The following ADAM12 variants were observed in gnomAD, a reference collection of about 807,000 sequenced individuals.
ADAM12 encodes disintegrin and metalloproteinase domain-containing protein 12.
ADAM12 carries 70 observed loss-of-function variants against 106.4 expected under a neutral mutation model. The observed-to-expected ratio is 0.66, with a 90% CI of 0.54 to 0.80. ADAM12 has a LOEUF of 0.80. ADAM12 is among the 30% of genes least tolerant of loss of function. The pLI is 0.00. For synonymous variants in ADAM12, 420 were observed against 433.5 expected (o/e 0.97, Z 0.39); for missense variants, 1,010 against 1,171.9 (o/e 0.86, Z 2.02).
At chr10:126,117,620 G>C (rs1158642304) in intron 6 of ADAM12, among the ~76,000 whole-genome samples, 1 of 152,034 alleles carries the variant, frequency 6.6e-6, no homozygotes, top group Admixed American at 6.6e-5. Flanking sequence ...TTCACCTCCA[G>C]TAGATGGAGA....
chr10:126,055,632 T>C lies in ADAM12; in HGVS notation c.1610-5963A>G, dbSNP rs185867114. 1.0e-3 allele frequency among the ~76,000 whole-genome samples: 155 copies of C among 152,302 alleles called. 1 individual carries two copies. The highest frequency in any genetic ancestry group is 4.6e-4 in the Non-Finnish European group (31 of 68,028). ...CTCATGGGTTTAAAGCCAAAACCCA[T>C]GATCCAGCCATGATCCTGTGCTGCC... On this transcript the variant is annotated intron_variant, in intron 14 of 22. Transcript: ENST00000448723.
intron 3 of ADAM12, among the ~76,000 whole-genome samples, chr10:126,167,399 C>T (rs1957042705): frequency 6.6e-6 from 1 of 152,178 alleles, no homozygotes; most frequent in Non-Finnish European, 1.5e-5. Flanking sequence ...GACAACTATA[C>T]TTAATGTAGC....
At chr10:126,268,969 T>C (rs1959154291) in intron 3 of ADAM12, among the ~76,000 whole-genome samples, 1 of 152,116 alleles carries the variant, frequency 6.6e-6, no homozygotes, top group African/African-American at 2.4e-5. Flanking sequence ...AGTAAAGGAA[T>C]AAGAATGGCT....
chr10:126,081,625 G>A (rs765622336), intron 11 of ADAM12, among the ~76,000 whole-genome samples: 1 of 152,184 alleles, frequency 6.6e-6, no homozygotes, highest in Non-Finnish European at 1.5e-5. Flanking sequence ...GCCTATGTCT[G>A]AGCAGCCTAT....
At chr10:126,288,328 G>T (rs557321766) in intron 2 of ADAM12, among the ~76,000 whole-genome samples, 2 of 152,176 alleles carry the variant, frequency 1.3e-5, no homozygotes, top group Non-Finnish European at 2.9e-5. Flanking sequence ...CTATACAAAT[G>T]ACCAATGAAT....
In ADAM12 at chr10:126,049,709, T is replaced by A. The variant is rs1954425609; in HGVS notation, c.1610-40A>T. ...GAACTGCATTTTCATCTCCTGCAGG[T>A]GATTTTTTTTTTTTCATGGCTGTAG... On this transcript the variant is annotated intron_variant, in intron 14 of 22. Coordinates refer to ENST00000448723, the MANE Select transcript of ADAM12 (RefSeq NM_001288973.2). This position sits in a 1 kb window ranked among gnomAD's most constrained non-coding sequence, Gnocchi z 4.4. The A allele has an allele frequency of 5.1e-6, 8 of 1,561,376 alleles. No homozygotes were observed. Among genetic ancestry groups the A allele is most frequent in the Non-Finnish European group, 6.9e-6 (8 of 1,151,684 alleles).
At chr10:126,072,329 T>C (rs1955014269) in intron 11 of ADAM12, among the ~76,000 whole-genome samples, 1 of 152,168 alleles carries the variant, frequency 6.6e-6, no homozygotes, top group South Asian at 2.1e-4. Flanking sequence ...AGCAAAGTTA[T>C]GCTCCCCTTC....
chr10:126,387,654 A>G (rs1856714127), intron 1 of ADAM12, among the ~76,000 whole-genome samples: 2 of 152,088 alleles, frequency 1.3e-5, no homozygotes, highest in Admixed American at 6.5e-5. Context: ...AACCTGGTGA[A>G]GGGCTGGCCC....
At chr10:126,025,966 A>T (rs1035165883) in intron 21 of ADAM12, among the ~76,000 whole-genome samples, 1 of 152,214 alleles carries the variant, frequency 6.6e-6, no homozygotes, top group African/African-American at 2.4e-5. Context: ...CTCCCAGTGG[A>T]AACCCAATAA....
At chr10:126,153,506 T>A (rs752203191) in intron 4 of ADAM12, among the ~76,000 whole-genome samples, 1 of 152,226 alleles carries the variant, frequency 6.6e-6, no homozygotes, top group Non-Finnish European at 1.5e-5. Flanking sequence ...TGTGTGTTTT[T>A]AAATTTTATG....
intron 2 of ADAM12, among the ~76,000 whole-genome samples, chr10:126,284,175 A>G (rs1444288533): frequency 1.3e-5 from 2 of 151,962 alleles, no homozygotes; most frequent in African/African-American, 2.4e-5. Flanking sequence ...TCTACTAAAA[A>G]TACAAAAATT....
chr10:126,088,994 T>G (rs999788559), intron 11 of ADAM12, among the ~76,000 whole-genome samples: 1 of 152,110 alleles, frequency 6.6e-6, no homozygotes, highest in African/African-American at 2.4e-5. Context: ...GGGGTAACCC[T>G]CATTTGCTTA....
intron 1 of ADAM12, among the ~76,000 whole-genome samples, chr10:126,372,667 G>A (rs1167709081): frequency 6.6e-6 from 1 of 152,212 alleles, no homozygotes; most frequent in Non-Finnish European, 1.5e-5. Context: ...AGAAGCAGAT[G>A]CTTCTACTAG....
chr10:126,018,691 C>T (rs1179575947), intron 22 of ADAM12, among the ~76,000 whole-genome samples: 2 of 152,260 alleles, frequency 1.3e-5, no homozygotes, highest in East Asian at 3.9e-4. Flanking sequence ...TCTCACCAAC[C>T]AGGGTAAGCT....
intron 1 of ADAM12, among the ~76,000 whole-genome samples, chr10:126,382,204 C>A (rs1222848972): frequency 1.3e-5 from 2 of 151,970 alleles, no homozygotes; most frequent in African/African-American, 4.8e-5. Context: ...GGGCCAAGGC[C>A]AATACAGGCT....
chr10:126,091,795 C>G (rs1037904121), intron 11 of ADAM12, among the ~76,000 whole-genome samples: 4 of 152,112 alleles, frequency 2.6e-5, no homozygotes, highest in Non-Finnish European at 5.9e-5. Context: ...ATTGTGCCTT[C>G]AGAATTATAT....
intron 3 of ADAM12, among the ~76,000 whole-genome samples, chr10:126,252,911 C>A (rs1958814940): frequency 6.6e-6 from 1 of 152,138 alleles, no homozygotes; most frequent in African/African-American, 2.4e-5. Flanking sequence ...GCCTCCTGCT[C>A]CTTGTAGAAA....
chr10:126,045,984 T>C lies in ADAM12; in HGVS notation c.1995+71A>G, dbSNP rs1954306499. ...AAAAAATGCTATGGATTGCAAAACC[T>C]TTTACAAATGAATGTATTATTACTT... On this transcript the variant is annotated intron_variant, in intron 17 of 22. Coordinates refer to ENST00000448723, the MANE Select transcript of ADAM12 (RefSeq NM_001288973.2). The C allele has an allele frequency of 2.8e-6, 4 of 1,404,452 alleles. No individual in the cohort carries two copies. In the South Asian group the frequency reaches 4.6e-5, roughly 16 times the overall value. 87.0% of individuals were successfully genotyped at this position (1,404,452 alleles called of 1,614,324 possible). A position where few individuals can be genotyped will look rare whatever the true frequency, so the allele number is the denominator to read the frequency against.
chr10:126,032,058 CAG>C (rs2133391096), intron 21 of ADAM12, among the ~76,000 whole-genome samples: 1 of 152,212 alleles, frequency 6.6e-6, no homozygotes, highest in South Asian at 2.1e-4. Context: ...ATAAGTCAAA[CAG>C]AACATTTATA....
Sources: allele counts gnomAD v4.1 joint callset (sites outside exome capture counted in the v4.1 genomes callset), GRCh38; gene constraint gnomAD v4.1.1; non-coding constraint Gnocchi (gnomAD v3.1); transcripts MANE v1.5; gene names NCBI Gene and HGNC (gene_info 2026-07-23, HGNC 2026-07-21).